Variants in RALYL observed in about 807,000 individuals in gnomAD.
RALYL encodes RNA-binding Raly-like protein.
Under a neutral mutation model 35.1 loss-of-function variants are expected in RALYL, and 29 were observed. The observed-to-expected ratio is 0.83, with a 90% confidence interval of 0.61 to 1.13. The LOEUF (loss-of-function observed/expected upper bound fraction) is 1.13. Ranked by LOEUF, RALYL falls within the 50% of genes most tolerant of loss-of-function variation. The probability of loss-of-function intolerance (pLI) is 0.00; values close to 1 mark genes in which losing one functional copy is unlikely to be tolerated. For synonymous variants in RALYL, 120 were observed against 127.6 expected (o/e 0.94, Z 0.40); for missense variants, 359 against 360.4 (o/e 1.00, Z 0.03).
intron 4 of RALYL, among the ~76,000 whole-genome samples, chr8:84,831,828 T>C (rs1461930984): frequency 3.9e-5 from 6 of 152,160 alleles, no homozygotes; most frequent in Non-Finnish European, 7.4e-5. Flanking sequence ...AAGGTCATAA[T>C]TGACAAAAGG....
intron 1 of RALYL, among the ~76,000 whole-genome samples, chr8:84,430,345 G>A (rs1011218623): frequency 6.6e-6 from 1 of 152,088 alleles, no homozygotes; most frequent in Non-Finnish European, 1.5e-5. Flanking sequence ...GACAATTGAA[G>A]TACTGTATAC....
At chr8:84,546,117 A>G (rs1294044627) in intron 2 of RALYL, among the ~76,000 whole-genome samples, 1 of 151,994 alleles carries the variant, frequency 6.6e-6, no homozygotes, top group Non-Finnish European at 1.5e-5. Context: ...AGAGACAGAA[A>G]GAGAGAAGAG....
chr8:84,744,121 A>T (rs1357333022), intron 2 of RALYL, among the ~76,000 whole-genome samples: 1 of 152,050 alleles, frequency 6.6e-6, no homozygotes, highest in Non-Finnish European at 1.5e-5. Context: ...AACAATTTTT[A>T]AAAAATAAAA....
chr8:84,188,124 A>G (rs1812972985), intron 1 of RALYL, among the ~76,000 whole-genome samples: 1 of 152,048 alleles, frequency 6.6e-6, no homozygotes, highest in African/African-American at 2.4e-5. Context: ...TCCAACTTTT[A>G]GTTTCAAGGG....
At chr8:84,283,676 T>G (rs1837051649) in intron 1 of RALYL, among the ~76,000 whole-genome samples, 1 of 152,116 alleles carries the variant, frequency 6.6e-6, no homozygotes, top group South Asian at 2.1e-4. Context: ...TTTAGTTGGG[T>G]TTTCTATTAT....
chr8:84,538,066 A>C (rs75038030), intron 2 of RALYL, among the ~76,000 whole-genome samples: 2,357 of 152,292 alleles, frequency 0.015, 62 homozygotes, highest in African/African-American at 0.053. Context: ...GAGCTACTTA[A>C]AATGCTGTAA....
chr8:84,365,523 T>A (rs1854048290), intron 1 of RALYL, among the ~76,000 whole-genome samples: 1 of 152,172 alleles, frequency 6.6e-6, no homozygotes, highest in African/African-American at 2.4e-5. Context: ...AGGATAAAAA[T>A]GAACAACTAA....
chr8:84,676,424 G>A (rs970884397), intron 2 of RALYL, among the ~76,000 whole-genome samples: 1 of 152,256 alleles, frequency 6.6e-6, no homozygotes, highest in Admixed American at 6.5e-5. Flanking sequence ...CCTATAGATA[G>A]TTTATGAGAA....
At chr8:84,884,848 C>G (rs1386589418) in intron 7 of RALYL, among the ~76,000 whole-genome samples, 1 of 152,026 alleles carries the variant, frequency 6.6e-6, no homozygotes, top group African/African-American at 2.4e-5. Flanking sequence ...AACACTAGGT[C>G]TTGAAAGCTA....
chr8:84,322,271 A>G (rs763480011), intron 1 of RALYL, among the ~76,000 whole-genome samples: 19 of 152,146 alleles, frequency 1.2e-4, no homozygotes, highest in Non-Finnish European at 2.9e-5. Context: ...TGTGCCCATA[A>G]CAGACCAGAA....
intron 1 of RALYL, among the ~76,000 whole-genome samples, chr8:84,303,065 AG>A (rs1376773474): frequency 3.9e-5 from 6 of 152,190 alleles, no homozygotes; most frequent in Non-Finnish European, 8.8e-5. Context: ...GGACACATTC[AG>A]GGTACATTTT....
chr8:84,481,532 T>G (rs1385537117), intron 1 of RALYL, among the ~76,000 whole-genome samples: 1 of 152,170 alleles, frequency 6.6e-6, no homozygotes, highest in East Asian at 1.9e-4. Context: ...AGAAATTCTA[T>G]TTACAATGCA....
intron 2 of RALYL, among the ~76,000 whole-genome samples, chr8:84,705,153 G>A (rs1339428645): frequency 6.6e-6 from 1 of 152,162 alleles, no homozygotes; most frequent in Non-Finnish European, 1.5e-5. Context: ...TGAATGCCAG[G>A]CATTGCTCTC....
At chr8:84,408,392 A>C (rs899546797) in intron 1 of RALYL, among the ~76,000 whole-genome samples, 1 of 152,220 alleles carries the variant, frequency 6.6e-6, no homozygotes, top group Non-Finnish European at 1.5e-5. Flanking sequence ...TATGCCATAC[A>C]AAGACAAATA....
intron 2 of RALYL, among the ~76,000 whole-genome samples, chr8:84,539,886 A>ATATGTGTG (rs1554713699): frequency 1.2e-5 from 1 of 86,884 alleles, no homozygotes. Flanking sequence ...ATGTATATAT[A>ATATGTGTG]TGTGTGTGTG....
intron 3 of RALYL, among the ~76,000 whole-genome samples, chr8:84,790,142 A>G (rs1432392322): frequency 1.3e-5 from 2 of 152,196 alleles, no homozygotes; most frequent in Non-Finnish European, 2.9e-5. Flanking sequence ...GTCATACAAT[A>G]AAGTCCAGAA....
intron 8 of RALYL, among the ~76,000 whole-genome samples, chr8:84,917,385 T>C (rs916356142): frequency 6.6e-6 from 1 of 151,952 alleles, no homozygotes; most frequent in Non-Finnish European, 1.5e-5. Flanking sequence ...AGTTTGCCAG[T>C]GTAGTCACAA....
chr8:84,677,376 C>T (rs951462367), intron 2 of RALYL, among the ~76,000 whole-genome samples: 4 of 152,022 alleles, frequency 2.6e-5, no homozygotes, highest in Non-Finnish European at 2.9e-5. Flanking sequence ...ATAATATAAA[C>T]AGTTAAACCT....
At chr8:84,432,424 C>T (rs1331300485) in intron 1 of RALYL, among the ~76,000 whole-genome samples, 6 of 150,976 alleles carry the variant, frequency 4.0e-5, no homozygotes, top group African/African-American at 7.3e-5. Flanking sequence ...ACAAATTATA[C>T]GTGGTTCTAG....
Sources: gnomAD v4.1 joint callset for allele counts (sites outside exome capture counted in the v4.1 genomes callset) on GRCh38, gnomAD v4.1.1 for gene constraint, MANE v1.5 for transcripts, NCBI Gene and HGNC (gene_info 2026-07-23, HGNC 2026-07-21) for gene names.